YAP1: variants seen among roughly 807,000 people sequenced by gnomAD.
YAP1 encodes the protein Yes1 associated transcriptional regulator, also known as transcriptional coactivator YAP1.
A neutral mutation model predicts 56.9 loss-of-function variants in YAP1; 5 were observed. That is an observed-to-expected ratio of 0.09 (90% CI 0.05 to 0.18). The LOEUF (loss-of-function observed/expected upper bound fraction) is 0.18. Ranked by LOEUF, YAP1 falls within the 10% of genes least tolerant of loss-of-function variation. YAP1 has a pLI of 1.00. For missense variants in YAP1, 539 were observed against 651.8 expected (o/e 0.83, Z 1.88); for synonymous variants, 265 against 248.1 (o/e 1.07, Z -0.64).
intron 2 of YAP1, among the ~76,000 whole-genome samples, chr11:102,159,988 A>G (rs1019224171): frequency 2.0e-5 from 3 of 149,848 alleles, no homozygotes; most frequent in Admixed American, 2.0e-4. Flanking sequence ...TTAAATTTGT[A>G]TAGCTGACAA....
intron 5 of YAP1, among the ~76,000 whole-genome samples, chr11:102,208,987 G>C (rs1949259145): frequency 6.6e-6 from 1 of 152,200 alleles, no homozygotes; most frequent in South Asian, 2.1e-4. Flanking sequence ...GTCCTGGACA[G>C]AATAGCTTCA....
At chr11:102,138,528 G>A (rs1944816891) in intron 2 of YAP1, among the ~76,000 whole-genome samples, 1 of 152,216 alleles carries the variant, frequency 6.6e-6, no homozygotes, top group South Asian at 2.1e-4. Flanking sequence ...TGAGGCCATT[G>A]TACAATTTCA....
intron 6 of YAP1, 37 bp from the exon 7 acceptor site, chr11:102,223,585 C>A (rs776234125): frequency 1.2e-6 from 2 of 1,604,624 alleles, no homozygotes; most frequent in Non-Finnish European, 1.7e-6. Context: ...ATGTGTTAAT[C>A]AGTAGATTGA....
intron 3 of YAP1, among the ~76,000 whole-genome samples, chr11:102,180,807 G>C (rs1039863600): frequency 2.0e-5 from 3 of 151,910 alleles, no homozygotes; most frequent in African/African-American, 7.3e-5. Flanking sequence ...CTGTATTGAG[G>C]AAGTGAAAAG....
chr11:102,193,822 GT>G (rs916158768), intron 4 of YAP1, among the ~76,000 whole-genome samples: 73 of 149,894 alleles, frequency 4.9e-4, no homozygotes, highest in Non-Finnish European at 7.9e-4. Flanking sequence ...TTTTTTGGGG[GT>G]TTTTTTTTGT....
chr11:102,143,854 A>C (rs1229983755), intron 2 of YAP1, among the ~76,000 whole-genome samples: 1 of 152,240 alleles, frequency 6.6e-6, no homozygotes, highest in Non-Finnish European at 1.5e-5. Flanking sequence ...TCAAATTGAC[A>C]GTCATTTGTC....
chr11:102,197,970 C>T (rs946393242), intron 4 of YAP1, among the ~76,000 whole-genome samples: 1 of 152,126 alleles, frequency 6.6e-6, no homozygotes, highest in East Asian at 1.9e-4. Flanking sequence ...AGGTAAAGAA[C>T]AGGATGCTTC....
chr11:102,230,741 A>G lies in YAP1; in HGVS notation c.*801A>G, dbSNP rs1235072545. On this transcript the variant is annotated 3_prime_UTR_variant, in exon 9 of 9. Transcript: ENST00000282441. ...TTTGTCGGAACCTAGGCAAATGACC[A>G]TATTAGTGAATCTGTTAATAGTTGT... 6.6e-6 allele frequency: 1 copy of G among 152,536 alleles called. No individual in the cohort carries two copies. Among genetic ancestry groups the G allele is most frequent in the Non-Finnish European group, 1.5e-5 (1 of 68,004 alleles). The allele number at this position is 152,536 out of a possible 1,614,324, so 9.4% of individuals were successfully genotyped here. A position where few individuals can be genotyped will look rare whatever the true frequency, so the allele number is the denominator to read the frequency against.
chr11:102,160,289 C>G (rs2048462850), intron 2 of YAP1, among the ~76,000 whole-genome samples: 1 of 152,160 alleles, frequency 6.6e-6, no homozygotes, highest in South Asian at 2.1e-4. Flanking sequence ...TCCCAAAGAG[C>G]TGGGATTACA....
At position 102,227,554 on chromosome 11, in the gene YAP1, C is replaced by T; in HGVS notation, c.1249C>T (p.Leu417=). The part of the protein sequence containing the change: ...YSVPRTPDDF[L]NSVDEMDTGD... ...TGTCCCTCGAACCCCAGATGACTTC[C>T]TGAACAGTGTGGATGAGATGGATAC... The change falls in exon 8 of 9, where the codon CTG becomes TTG. Residue 417 remains leucine (L), a synonymous_variant. Transcript: ENST00000282441. 1 of 1,613,646 alleles carries T rather than the reference C, an allele frequency of 6.2e-7. No homozygotes were observed. Among genetic ancestry groups the T allele is most frequent in the Non-Finnish European group, 8.5e-7 (1 of 1,179,752 alleles).
In YAP1 at chr11:102,150,480, T is replaced by C. The variant is rs1025908104; in HGVS notation, c.573-11976T>C. ...AATTGTTGAGATATAAAATATATTA[T>C]CAAATAGTTCAGTTACCAATTAAGC... On this transcript the variant is annotated intron_variant, in intron 2 of 8. Coordinates refer to ENST00000282441, the MANE Select transcript of YAP1 (RefSeq NM_001130145.3). Among the ~76,000 whole-genome samples the C allele has an allele frequency of 2.2e-4, 33 of 152,158 alleles. 1 individual carries two copies. Among genetic ancestry groups the C allele is most frequent in the African/African-American group, 1.2e-4 (5 of 41,426 alleles).
At chr11:102,194,965 T>C (rs1948497504) in intron 4 of YAP1, among the ~76,000 whole-genome samples, 1 of 152,164 alleles carries the variant, frequency 6.6e-6, no homozygotes, top group African/African-American at 2.4e-5. Context: ...TCTGTGTTGC[T>C]CAGTCTGGTC....
chr11:102,123,243 T>C (rs1011678630), intron 2 of YAP1, among the ~76,000 whole-genome samples: 4 of 152,144 alleles, frequency 2.6e-5, no homozygotes, highest in African/African-American at 9.7e-5. Flanking sequence ...CAACTGTGAT[T>C]TTGTTTTTGC....
At chr11:102,136,057 C>G (rs546299102) in intron 2 of YAP1, among the ~76,000 whole-genome samples, 1 of 152,256 alleles carries the variant, frequency 6.6e-6, no homozygotes, top group African/African-American at 2.4e-5. Context: ...AAGAACTTTT[C>G]TAGGCTGTGT....
At chr11:102,143,778 A>G (rs1945161670) in intron 2 of YAP1, among the ~76,000 whole-genome samples, 1 of 152,248 alleles carries the variant, frequency 6.6e-6, no homozygotes, top group Non-Finnish European at 1.5e-5. Context: ...TTAGAAGTTG[A>G]TAAAGATTTC....
chr11:102,156,497 C>T (rs909981227), intron 2 of YAP1, among the ~76,000 whole-genome samples: 2 of 152,102 alleles, frequency 1.3e-5, no homozygotes, highest in Non-Finnish European at 2.9e-5. Flanking sequence ...TAAAATATTT[C>T]TTTATTTTTA....
chr11:102,129,182 C>T (rs1254935990), intron 2 of YAP1, among the ~76,000 whole-genome samples: 1 of 152,112 alleles, frequency 6.6e-6, no homozygotes, highest in African/African-American at 2.4e-5. Flanking sequence ...TAATAGAGAA[C>T]TCAAAAAAGT....
At position 102,229,988 on chromosome 11, in the gene YAP1, C is replaced by T; in HGVS notation, c.*48C>T. The T allele has an allele frequency of 1.3e-6, 2 of 1,516,072 alleles. No homozygotes were observed. Among genetic ancestry groups the T allele is most frequent in the East Asian group, 4.5e-5 (2 of 44,154 alleles). The allele number at this position is 1,516,072 out of a possible 1,614,324, so 93.9% of individuals were successfully genotyped here. Reference sequence around the variant, plus strand: ...TAAATCTGTGAAGGATCTAAGGAGACACATGCACCGGAAATTTCCATAAGC... The same window carrying T: ...TAAATCTGTGAAGGATCTAAGGAGATACATGCACCGGAAATTTCCATAAGC... On this transcript the variant is annotated 3_prime_UTR_variant, in exon 9 of 9. Coordinates refer to ENST00000282441, the MANE Select transcript of YAP1 (RefSeq NM_001130145.3).
intron 2 of YAP1, among the ~76,000 whole-genome samples, chr11:102,134,434 C>A (rs551693970): frequency 6.7e-6 from 1 of 149,326 alleles, no homozygotes; most frequent in African/African-American, 2.5e-5. Flanking sequence ...TGTACTTTGT[C>A]CTAATATGCT....
Sources: allele counts gnomAD v4.1 joint callset (sites outside exome capture counted in the v4.1 genomes callset), GRCh38; gene constraint gnomAD v4.1.1; transcripts MANE v1.5; gene names NCBI Gene and HGNC (gene_info 2026-07-23, HGNC 2026-07-21).